The following OPHN1 variants were observed in gnomAD, a reference collection of about 807,000 sequenced individuals.
OPHN1 encodes oligophrenin 1.
OPHN1 carries 11 observed loss-of-function variants against 60.7 expected under a neutral mutation model. The observed-to-expected ratio is 0.18, with a 90% CI of 0.11 to 0.30. OPHN1 has a LOEUF of 0.30. Ranked by LOEUF, OPHN1 falls within the 10% of genes least tolerant of loss-of-function variation. OPHN1 has a pLI of 1.00. For missense variants in OPHN1, 449 were observed against 611.0 expected (o/e 0.73, Z 2.80); for synonymous variants, 226 against 222.6 (o/e 1.02, Z -0.14).
intron 2 of OPHN1, among the ~76,000 whole-genome samples, chrX:68,312,847 T>C (rs1022834329): frequency 1.8e-5 from 2 of 111,424 alleles, no homozygotes; most frequent in African/African-American, 6.5e-5. Context: ...GGCTCATGCT[T>C]ATAATCCCAA....
intron 6 of OPHN1, among the ~76,000 whole-genome samples, chrX:68,217,346 TG>T (rs1484159016): frequency 9.0e-6 from 1 of 110,833 alleles, no homozygotes; most frequent in Non-Finnish European, 1.9e-5. Flanking sequence ...GCAGCGAGGC[TG>T]GGGGAGGGGC....
Position 68,064,104 on chromosome X carries a change from G to A in OPHN1, c.1908C>T (p.Pro636=). The change falls in exon 21 of 25, where the codon CCC becomes CCT. Residue 636 remains proline, a synonymous_variant. Transcript: ENST00000355520. ...SIEPPKPPQH[P]KLPIQRSGET... ...CCCCACTCCTCTGAATAGGTAGTTT[G>A]GGGTGTTGTGGTGGCTTGGGGGGTT... 1 of 1,210,292 alleles carries A rather than the reference G, an allele frequency of 8.3e-7. No individual in the cohort carries two copies. Among genetic ancestry groups the A allele is most frequent in the African/African-American group, 1.7e-5 (1 of 57,662 alleles).
At chrX:68,140,781 C>T (rs1270324904) in intron 15 of OPHN1, among the ~76,000 whole-genome samples, 1 of 110,108 alleles carries the variant, frequency 9.1e-6, no homozygotes, top group African/African-American at 3.3e-5. Context: ...AAAAGAGCAA[C>T]ACAAGCAGCT....
chrX:68,086,207 C>T (rs1181971389), intron 19 of OPHN1, among the ~76,000 whole-genome samples: 1 of 88,495 alleles, frequency 1.1e-5, no homozygotes, highest in Non-Finnish European at 2.3e-5. Flanking sequence ...GAAATAAATC[C>T]TAAAAGAATG....
chrX:68,223,157 T>C (rs991005504), intron 6 of OPHN1, among the ~76,000 whole-genome samples: 1 of 111,343 alleles, frequency 9.0e-6, no homozygotes. Flanking sequence ...AAAGTAGAAC[T>C]ACTATTTGAT....
At chrX:68,316,806 T>C (rs1602319164) in intron 2 of OPHN1, among the ~76,000 whole-genome samples, 1 of 112,022 alleles carries the variant, frequency 8.9e-6, no homozygotes, top group East Asian at 2.8e-4. Context: ...GCAAACCTCA[T>C]TACACTTGCA....
chrX:68,101,926 C>T (rs1198012946), intron 18 of OPHN1: 5 of 112,032 alleles, frequency 4.5e-5, no homozygotes, highest in Non-Finnish European at 7.5e-5. Flanking sequence ...TAGATATAAC[C>T]TCTACTTTAC....
At chrX:68,112,073 A>T in intron 17 of OPHN1, 114 bp from the exon 18 acceptor site, 1 of 415,958 alleles carries the variant, frequency 2.4e-6, no homozygotes, top group Non-Finnish European at 4.3e-6. Flanking sequence ...ACACACACAC[A>T]CACACACACA....
At chrX:68,268,511 G>A (rs1348423905) in intron 5 of OPHN1, among the ~76,000 whole-genome samples, 1 of 111,791 alleles carries the variant, frequency 8.9e-6, no homozygotes, top group Non-Finnish European at 1.9e-5. Flanking sequence ...CTCAATAGAT[G>A]CAGAAAAGGC....
intron 8 of OPHN1, among the ~76,000 whole-genome samples, chrX:68,211,033 T>G (rs1303506853): frequency 9.0e-6 from 1 of 111,251 alleles, no homozygotes; most frequent in Non-Finnish European, 1.9e-5. Flanking sequence ...TTTGTACATA[T>G]CAAGTAATAT....
intron 20 of OPHN1, chrX:68,071,076 C>G: frequency 3.6e-6 from 4 of 1,114,691 alleles, no homozygotes; most frequent in Non-Finnish European, 4.9e-6. Flanking sequence ...CAATAATCAT[C>G]TCATTGACTT....
chrX:68,392,029 G>A (rs989469541), intron 2 of OPHN1, among the ~76,000 whole-genome samples: 1 of 111,890 alleles, frequency 8.9e-6, no homozygotes, highest in African/African-American at 3.2e-5. Flanking sequence ...ATTAGCAATA[G>A]GAAAACAACA....
At chrX:68,070,166 C>T (rs918528632) in intron 20 of OPHN1, among the ~76,000 whole-genome samples, 2 of 111,408 alleles carry the variant, frequency 1.8e-5, no homozygotes, top group Non-Finnish European at 3.8e-5. Flanking sequence ...CTTGTTTCCA[C>T]GCTGAGTAGT....
Position 68,049,895 on chromosome X carries a change from T to C in OPHN1, c.2376-1438A>G, listed in dbSNP as rs148602241. Among the ~76,000 whole-genome samples, 450 of 112,198 alleles carry C rather than the reference T, an allele frequency of 4.0e-3. 1 individual carries two copies. Among genetic ancestry groups the C allele is most frequent in the African/African-American group, 0.011 (347 of 30,938 alleles). ...AAATGTTCTCACCTCCTTTATGTTCTTGATGAGCCACTACTCATTTTCTTC... is the reference window on the plus strand; with the variant it reads ...AAATGTTCTCACCTCCTTTATGTTCCTGATGAGCCACTACTCATTTTCTTC... On this transcript the variant is annotated intron_variant, in intron 23 of 24. Coordinates refer to ENST00000355520, the MANE Select transcript of OPHN1 (RefSeq NM_002547.3).
intron 2 of OPHN1, among the ~76,000 whole-genome samples, chrX:68,425,887 G>A (rs1285212742): frequency 1.1e-5 from 1 of 92,687 alleles, no homozygotes; most frequent in Non-Finnish European, 2.1e-5. Flanking sequence ...GGAGTGCAGT[G>A]GAGTGATCTC....
chrX:68,210,165 T>C lies in OPHN1; in HGVS notation c.820A>G (p.Thr274Ala). 1 of 1,210,760 alleles carries C rather than the reference T, an allele frequency of 8.3e-7. No homozygotes were observed. Among genetic ancestry groups the C allele is most frequent in the South Asian group, 1.8e-5 (1 of 56,900 alleles). Reference sequence around the variant, plus strand: ...TGTCCCCACACACATTTCTCTTGTGTATAGAGATAGCCTTCAATAGTTGGC... The same window carrying C: ...TGTCCCCACACACATTTCTCTTGTGCATAGAGATAGCCTTCAATAGTTGGC... Reference protein sequence around the residue: ...GQPTIEGYLYTQEKWALGISW... With the variant: ...GQPTIEGYLYAQEKWALGISW... The change falls in exon 9 of 25, where the codon ACA becomes GCA. Residue 274 changes from threonine to alanine, a missense_variant. Physicochemically the swap from Thr to Ala is moderately conservative, Grantham distance 58. Coordinates refer to ENST00000355520, the MANE Select transcript of OPHN1 (RefSeq NM_002547.3).
chrX:68,235,623 A>G (rs1453043282), intron 5 of OPHN1, among the ~76,000 whole-genome samples: 1 of 107,195 alleles, frequency 9.3e-6, no homozygotes, highest in Non-Finnish European at 1.9e-5. Flanking sequence ...GGATCACCTG[A>G]GGTCAGGAGT....
At chrX:68,217,871 C>T (rs2077623109) in intron 6 of OPHN1, among the ~76,000 whole-genome samples, 1 of 103,646 alleles carries the variant, frequency 9.6e-6, no homozygotes, top group African/African-American at 3.3e-5. Flanking sequence ...AAGCAGAGCG[C>T]CTCTCCTCCT....
chrX:68,220,472 C>T (rs1391776954), intron 6 of OPHN1, among the ~76,000 whole-genome samples: 1 of 108,525 alleles, frequency 9.2e-6, no homozygotes, highest in African/African-American at 3.4e-5. Context: ...GGCAGAGACA[C>T]AACAAAAAAA....
Sources: allele counts gnomAD v4.1 joint callset (sites outside exome capture counted in the v4.1 genomes callset), GRCh38; gene constraint gnomAD v4.1.1; transcripts MANE v1.5; gene names NCBI Gene and HGNC (gene_info 2026-07-23, HGNC 2026-07-21).